The following PVR variants were observed in gnomAD, a reference collection of about 807,000 sequenced individuals.
The protein encoded by PVR is PVR cell adhesion molecule, also known as poliovirus receptor.
Under a neutral mutation model 43.3 loss-of-function variants are expected in PVR, and 39 were observed. That is an observed-to-expected ratio of 0.90 (90% CI 0.70 to 1.18). PVR has a LOEUF of 1.18. PVR is among the 50% of genes most tolerant of loss of function. The pLI is 0.00. For synonymous variants in PVR, 224 were observed against 233.2 expected (o/e 0.96, Z 0.36); for missense variants, 480 against 549.7 (o/e 0.87, Z 1.27).
rs148363175 is a variant in PVR at position 44,646,569 on chromosome 19, A to C, written c.80-654A>C. ...CACTTGAGGTCAGGAGTTCAAGACCAGCCTGGCCAACATGGTGAAACCCCA... is the reference window on the plus strand; with the variant it reads ...CACTTGAGGTCAGGAGTTCAAGACCCGCCTGGCCAACATGGTGAAACCCCA... On this transcript the variant is annotated intron_variant, in intron 1 of 7. Coordinates refer to ENST00000425690, the MANE Select transcript of PVR (RefSeq NM_006505.5). Among the ~76,000 whole-genome samples, 1,024 of 152,288 alleles carry C rather than the reference A, an allele frequency of 6.7e-3. 8 individuals are homozygous for C. Among genetic ancestry groups the C allele is most frequent in the African/African-American group, 0.023 (954 of 41,550 alleles).
intron 3 of PVR, among the ~76,000 whole-genome samples, chr19:44,651,885 GTGGCTCACGCC>G (rs1426041275): frequency 6.6e-6 from 1 of 152,232 alleles, no homozygotes; most frequent in Non-Finnish European, 1.5e-5. Context: ...GCCAGGCACG[GTGGCTCACGCC>G]TGTAATCCCA....
At position 44,644,044 on chromosome 19, in the gene PVR, G is replaced by A; in HGVS notation, c.-53G>A. The A allele has an allele frequency of 2.1e-6, 3 of 1,451,504 alleles. No homozygotes were observed. Among genetic ancestry groups the A allele is most frequent in the East Asian group, 2.8e-5 (1 of 36,200 alleles). 89.9% of individuals were successfully genotyped at this position (1,451,504 alleles called of 1,614,324 possible). A position where few individuals can be genotyped will look rare whatever the true frequency, so the allele number is the denominator to read the frequency against. On this transcript the variant is annotated 5_prime_UTR_variant, in exon 1 of 8. Coordinates refer to ENST00000425690, the MANE Select transcript of PVR (RefSeq NM_006505.5). The stretch of plus-strand genomic sequence containing the variant: ...AGCGACCGCGGCAGAGCGAGCGGGC[G>A]CCGGGAAGCGAGGAGACGCCCGCGG...
chr19:44,651,236 C>G (rs975665370), intron 3 of PVR, among the ~76,000 whole-genome samples: 1 of 152,166 alleles, frequency 6.6e-6, no homozygotes, highest in Non-Finnish European at 1.5e-5. Context: ...ACAGCACTAA[C>G]CCCATTGTCT....
intron 3 of PVR, among the ~76,000 whole-genome samples, chr19:44,650,907 G>A (rs997639576): frequency 6.6e-6 from 1 of 151,946 alleles, no homozygotes; most frequent in Admixed American, 6.6e-5. Context: ...GTCTCGCTCT[G>A]TCACCCAGGC....
chr19:44,649,934 G>A lies in PVR; in HGVS notation c.553G>A (p.Gly185Arg), dbSNP rs548525318. Residue 185 changes from glycine to arginine, a missense_variant, in exon 3 of 8, where the codon GGG becomes AGG. Gly to Arg is a moderately radical substitution (Grantham distance 125, BLOSUM62 -2). Coordinates refer to ENST00000425690, the MANE Select transcript of PVR (RefSeq NM_006505.5). ...AATCACCTGGCACTCAGACCTGGGC[G>A]GGATGCCCAATACGAGCCAGGTGCC... is the stretch of plus-strand genomic sequence containing the variant. ...AQITWHSDLG[G>R]MPNTSQVPGF... The A allele has an allele frequency of 1.7e-5, 28 of 1,612,166 alleles. No homozygotes were observed. Among genetic ancestry groups the A allele is most frequent in the Middle Eastern group, 3.3e-4 (2 of 6,052 alleles).
At chr19:44,654,551 A>G (rs985979343) in intron 4 of PVR, among the ~76,000 whole-genome samples, 5 of 152,096 alleles carry the variant, frequency 3.3e-5, no homozygotes, top group African/African-American at 9.7e-5. Flanking sequence ...CCCGAATCCC[A>G]TGTGACCCCA....
intron 2 of PVR, among the ~76,000 whole-genome samples, chr19:44,649,278 C>T (rs1973212638): frequency 6.6e-6 from 1 of 152,120 alleles, no homozygotes; most frequent in Non-Finnish European, 1.5e-5. Flanking sequence ...TATTATATAC[C>T]ATTCTAAGAG....
rs145288395 is a variant in PVR, at chr19:44,655,170, A to T, written c.842+1153A>T. ...GTGATCATAGCTCACTGCAGCCTGG[A>T]CCTCCCTGGGCTCAGGTGATCCTCC... is the stretch of plus-strand genomic sequence containing the variant. On this transcript the variant is annotated intron_variant, in intron 4 of 7. Transcript: ENST00000425690. Among the ~76,000 whole-genome samples, 779 of 152,078 alleles carry T rather than the reference A, an allele frequency of 5.1e-3. 4 individuals carry two copies. Among genetic ancestry groups the T allele is most frequent in the African/African-American group, 0.018 (745 of 41,464 alleles).
At chr19:44,654,346 G>C (rs947011745) in intron 4 of PVR, among the ~76,000 whole-genome samples, 6 of 152,200 alleles carry the variant, frequency 3.9e-5, no homozygotes, top group African/African-American at 4.8e-5. Context: ...ACAGACTGGG[G>C]CCTGGACTCC....
chr19:44,658,946 C>G (rs372262577), intron 6 of PVR, 46 bp downstream of exon 6: 2 of 1,580,674 alleles, frequency 1.3e-6, no homozygotes, highest in Non-Finnish European at 8.7e-7. Flanking sequence ...ACTACGGGCT[C>G]TGTGCTGAGT....
intron 3 of PVR, among the ~76,000 whole-genome samples, chr19:44,650,516 C>T (rs1056304098): frequency 3.3e-5 from 5 of 151,880 alleles, no homozygotes; most frequent in Non-Finnish European, 5.9e-5. Flanking sequence ...TCAACACTGC[C>T]TCCCTTATTG....
intron 6 of PVR, among the ~76,000 whole-genome samples, chr19:44,659,945 A>C (rs1187286851): frequency 6.6e-6 from 1 of 152,156 alleles, no homozygotes; most frequent in African/African-American, 2.4e-5. Flanking sequence ...TTTGACTACC[A>C]AGCTTTTCCT....
chr19:44,645,226 T>TAATA (rs1568496767), intron 1 of PVR, among the ~76,000 whole-genome samples: 2 of 93,872 alleles, frequency 2.1e-5, no homozygotes, highest in South Asian at 2.7e-4. Context: ...ATATATATTA[T>TAATA]TATAATATAT....
chr19:44,660,510 TTTTG>T (rs1415430734), intron 6 of PVR, among the ~76,000 whole-genome samples: 12 of 152,038 alleles, frequency 7.9e-5, no homozygotes, highest in Admixed American at 5.2e-4. Flanking sequence ...AGAGCAGGCT[TTTTG>T]TTTGTTTGTT....
At position 44,650,045 on chromosome 19, in the gene PVR, A is replaced by T. The variant is rs371047070; in HGVS notation, c.664A>T (p.Lys222Ter). ...SQVDGKNVTC[K>*]VEHESFEKPQ... ...GGTGGACGGCAAGAATGTGACCTGC[A>T]AGGTGGAGCACGAGAGCTTTGAGAA... Residue 222 changes from lysine to a stop codon, truncating the protein, a stop_gained, in exon 3 of 8, where the codon AAG (lysine) becomes TAG (stop). Coordinates refer to ENST00000425690, the MANE Select transcript of PVR (RefSeq NM_006505.5). LOFTEE classifies it high-confidence loss of function. 6.3e-7 allele frequency: 1 copy of T among 1,578,054 alleles called. No homozygotes were observed. Among genetic ancestry groups the T allele is most frequent in the Non-Finnish European group, 8.6e-7 (1 of 1,161,212 alleles).
In PVR at chr19:44,660,572, T is replaced by G. The variant is rs1350737719; in HGVS notation, c.1151-720T>G. 2.0e-5 allele frequency among the ~76,000 whole-genome samples: 3 copies of G among 152,078 alleles called. No individual in the cohort carries two copies. In the East Asian group the frequency reaches 5.8e-4, roughly 29 times the overall value. ...TCTTGCTCTGTTGCCCAGACTGGAG[T>G]AGTGCAGTGATGTGATCTTGGCTCA... On this transcript the variant is annotated intron_variant, in intron 6 of 7. Coordinates refer to ENST00000425690, the MANE Select transcript of PVR (RefSeq NM_006505.5).
intron 6 of PVR, chr19:44,659,159 G>T: frequency 2.4e-6 from 1 of 422,264 alleles, no homozygotes; most frequent in East Asian, 3.9e-5. Context: ...TGATGTGGGA[G>T]TCCCTGCCAG....
chr19:44,651,911 T>G (rs923172611), intron 3 of PVR, among the ~76,000 whole-genome samples: 6 of 150,904 alleles, frequency 4.0e-5, no homozygotes, highest in African/African-American at 1.5e-4. Context: ...ATCCCAGCAC[T>G]TTGGGAGGCC....
At chr19:44,652,837 C>T (rs2123758092) in intron 3 of PVR, among the ~76,000 whole-genome samples, 1 of 152,278 alleles carries the variant, frequency 6.6e-6, no homozygotes, top group South Asian at 2.1e-4. Context: ...TAATAATTGC[C>T]TTTACTTAAC....
Sources: gnomAD v4.1 joint callset for allele counts (sites outside exome capture counted in the v4.1 genomes callset) on GRCh38, gnomAD v4.1.1 for gene constraint, MANE v1.5 for transcripts, NCBI Gene and HGNC (gene_info 2026-07-23, HGNC 2026-07-21) for gene names.